Variants in ITIH5 observed in about 807,000 individuals in gnomAD.
ITIH5 encodes inter-alpha-trypsin inhibitor heavy chain 5.
Under a neutral mutation model 77.5 loss-of-function variants are expected in ITIH5, and 65 were observed. The observed-to-expected ratio is 0.84, with a 90% confidence interval of 0.69 to 1.03. ITIH5 has a LOEUF of 1.03. ITIH5 is among the 50% of genes least tolerant of loss of function. The pLI, the probability that ITIH5 is intolerant of heterozygous loss-of-function variation, is 0.00. For synonymous variants in ITIH5, 525 were observed against 494.3 expected, an observed-to-expected ratio of 1.06 and a Z score of -0.82; for missense variants, 1,208 against 1,213.1, an observed-to-expected ratio of 1.00 and a Z score of 0.06.
Position 7,580,053 on chromosome 10 carries a change from T to A in ITIH5, c.1120A>T (p.Asn374Tyr). 2 of 1,601,972 alleles carry A rather than the reference T, an allele frequency of 1.2e-6. No individual in the cohort carries two copies. Among genetic ancestry groups the A allele is most frequent in the Non-Finnish European group, 1.7e-6 (2 of 1,176,000 alleles). The change falls in exon 9 of 14, where the codon AAC becomes TAC. Residue 374 changes from asparagine (N) to tyrosine (Y), a missense_variant. Coordinates refer to ENST00000397146, the MANE Select transcript of ITIH5 (RefSeq NM_030569.7). ...HMSPTGGTDI[N>Y]GALQRAIRLL... ...CTGATGGCCCTCTGCAGGGCCCCGTTGATGTCTGTGCCTGCAGGACACCAA... is the reference window on the plus strand; with the variant it reads ...CTGATGGCCCTCTGCAGGGCCCCGTAGATGTCTGTGCCTGCAGGACACCAA...
chr10:7,602,337 A>G (rs950752074), intron 7 of ITIH5, among the ~76,000 whole-genome samples: 5 of 152,268 alleles, frequency 3.3e-5, no homozygotes, highest in East Asian at 3.9e-4. Context: ...AACTCAATAC[A>G]TAATATTTGG....
intron 5 of ITIH5, among the ~76,000 whole-genome samples, chr10:7,626,575 G>T (rs769304292): frequency 6.6e-6 from 1 of 152,168 alleles, no homozygotes; most frequent in African/African-American, 2.4e-5. Context: ...GACCCAGACC[G>T]GGACCCTGGA....
chr10:7,576,049 G>A (rs1832406870), intron 10 of ITIH5, among the ~76,000 whole-genome samples: 1 of 152,068 alleles, frequency 6.6e-6, no homozygotes, highest in Non-Finnish European at 1.5e-5. Flanking sequence ...TTTAGAGACG[G>A]GGTCTTGCTC....
chr10:7,625,228 T>C (rs1210240896), intron 5 of ITIH5, among the ~76,000 whole-genome samples: 1 of 152,068 alleles, frequency 6.6e-6, no homozygotes, highest in African/African-American at 2.4e-5. Flanking sequence ...GGACATTATG[T>C]CAGGTGAAAT....
At chr10:7,572,428 T>G (rs746438095) in intron 11 of ITIH5, 1 of 1,357,362 alleles carries the variant, frequency 7.4e-7, no homozygotes, top group Non-Finnish European at 9.8e-7. Flanking sequence ...AAACAAAGCC[T>G]GCCTGTCACA....
chr10:7,574,794 G>GGAAA (rs1554748362), intron 10 of ITIH5, among the ~76,000 whole-genome samples: 2 of 85,642 alleles, frequency 2.3e-5, no homozygotes, highest in African/African-American at 6.6e-5. Context: ...CTCCATCTCG[G>GGAAA]AAAAAAAAAA....
intron 7 of ITIH5, among the ~76,000 whole-genome samples, chr10:7,593,300 C>G (rs1832831462): frequency 6.6e-6 from 1 of 152,028 alleles, no homozygotes; most frequent in Non-Finnish European, 1.5e-5. Flanking sequence ...TGTGGATGGA[C>G]TCCTGCCCTC....
intron 7 of ITIH5, among the ~76,000 whole-genome samples, chr10:7,589,003 T>C (rs1832738654): frequency 6.6e-6 from 1 of 152,256 alleles, no homozygotes; most frequent in South Asian, 2.1e-4. Context: ...CCAGGACGGC[T>C]GGAGCCGAGA....
intron 1 of ITIH5, among the ~76,000 whole-genome samples, chr10:7,664,908 A>C (rs1179718229): frequency 1.3e-5 from 2 of 152,250 alleles, no homozygotes; most frequent in African/African-American, 4.8e-5. Flanking sequence ...CATCATCCCC[A>C]TACAGAGATA....
At chr10:7,567,161 G>A (rs112402652) in intron 12 of ITIH5, among the ~76,000 whole-genome samples, 2 of 151,874 alleles carry the variant, frequency 1.3e-5, no homozygotes, top group South Asian at 2.1e-4. Flanking sequence ...TCAAGATATC[G>A]TAGATGGAGG....
At chr10:7,610,126 CT>C (rs1311440656) in intron 7 of ITIH5, among the ~76,000 whole-genome samples, 1 of 129,296 alleles carries the variant, frequency 7.7e-6, no homozygotes, top group Admixed American at 9.4e-5. Context: ...GAAGTTTTAG[CT>C]CAAACTGGGA....
chr10:7,601,864 TG>T (rs1256183493), intron 7 of ITIH5, among the ~76,000 whole-genome samples: 42 of 152,270 alleles, frequency 2.8e-4, no homozygotes, highest in Non-Finnish European at 5.4e-4. Flanking sequence ...GTTTTTGTTT[TG>T]TTTTTGAGAT....
intron 8 of ITIH5, among the ~76,000 whole-genome samples, chr10:7,583,471 T>C (rs1286853580): frequency 6.6e-6 from 1 of 152,202 alleles, no homozygotes; most frequent in Non-Finnish European, 1.5e-5. Context: ...TAGCTGGGAC[T>C]ACAGGCGCAA....
intron 7 of ITIH5, among the ~76,000 whole-genome samples, chr10:7,587,916 G>C (rs1410671037): frequency 6.6e-6 from 1 of 152,160 alleles, no homozygotes. Context: ...CTGGCTAGGT[G>C]AAATAACCAC....
chr10:7,628,414 T>A (rs1833621909), intron 5 of ITIH5, among the ~76,000 whole-genome samples: 1 of 152,268 alleles, frequency 6.6e-6, no homozygotes, highest in African/African-American at 2.4e-5. Flanking sequence ...CTTAGCATAA[T>A]GTTTTCGAGA....
intron 7 of ITIH5, chr10:7,609,622 C>A: frequency 2.7e-6 from 1 of 372,438 alleles, no homozygotes; most frequent in Non-Finnish European, 5.3e-6. Flanking sequence ...TTTAACTTGA[C>A]AATTACAGAT....
chr10:7,621,696 G>T (rs1833476554), intron 5 of ITIH5: 1 of 151,876 alleles, frequency 6.6e-6, no homozygotes, highest in African/African-American at 2.4e-5. Flanking sequence ...TATTAAGGGG[G>T]AAAAAAATCT....
rs1832060718 is a variant in ITIH5 at position 7,562,722 on chromosome 10, C to A, written c.*361G>T. On this transcript the variant is annotated 3_prime_UTR_variant, in exon 14 of 14. Coordinates refer to ENST00000397146, the MANE Select transcript of ITIH5 (RefSeq NM_030569.7). Reference sequence around the variant, plus strand: ...CCAAGAAAAAAAGTTTCATAGCAACCTTCCTTCACCAGAAAGGCTTACTTT... The same window carrying A: ...CCAAGAAAAAAAGTTTCATAGCAACATTCCTTCACCAGAAAGGCTTACTTT... The A allele has an allele frequency of 4.8e-6, 1 of 208,146 alleles. No individual in the cohort carries two copies. Among genetic ancestry groups the A allele is most frequent in the South Asian group, 1.1e-4 (1 of 9,016 alleles). The allele number at this position is 208,146 out of a possible 1,614,324, so 12.9% of individuals were successfully genotyped here. A position where few individuals can be genotyped will look rare whatever the true frequency, so the allele number is the denominator to read the frequency against.
chr10:7,581,308 T>C (rs1832547679), intron 8 of ITIH5, among the ~76,000 whole-genome samples: 1 of 151,392 alleles, frequency 6.6e-6, no homozygotes, highest in Admixed American at 6.6e-5. Flanking sequence ...TAAAATAAAG[T>C]TGGGGGCGAA....
Sources: allele counts gnomAD v4.1 joint callset (sites outside exome capture counted in the v4.1 genomes callset), GRCh38; gene constraint gnomAD v4.1.1; transcripts MANE v1.5; gene names NCBI Gene and HGNC (gene_info 2026-07-23, HGNC 2026-07-21).